The following CYFIP1 variants were observed in gnomAD, a reference collection of about 807,000 sequenced individuals.
CYFIP1 encodes cytoplasmic FMR1-interacting protein 1.
A neutral mutation model predicts 163.5 loss-of-function variants in CYFIP1; 58 were observed. The ratio of observed to expected loss-of-function variants is 0.35; its 90% confidence interval spans 0.29 to 0.44. CYFIP1 has a LOEUF of 0.44. Ranked by LOEUF, CYFIP1 falls within the 20% of genes least tolerant of loss-of-function variation. The pLI is 1.00. For missense variants in CYFIP1, 1,338 were observed against 1,653.8 expected (o/e 0.81, Z 3.31); for synonymous variants, 663 against 660.7 (o/e 1.00, Z -0.05).
Position 22,879,933 on chromosome 15 carries a change from G to A in CYFIP1, c.3022C>T (p.Leu1008=). 1 of 1,612,866 alleles carries A rather than the reference G, an allele frequency of 6.2e-7. No homozygotes were observed. ...REVGNAILFC[L]LIEQSLSLEE... ...CTCACCAGGCTCTGCTCGATGAGCA[G>A]GCAGAAGAGGATGGCGTTCCCCACC... Residue 1008 remains leucine, a synonymous_variant, in exon 26 of 31, where the codon CTG becomes TTG. Transcript: ENST00000617928.
chr15:22,921,885 G>C (rs573670532), intron 13 of CYFIP1, among the ~76,000 whole-genome samples: 13 of 152,228 alleles, frequency 8.5e-5, no homozygotes, highest in Non-Finnish European at 1.8e-4. Flanking sequence ...GATAGACAGA[G>C]GTCAATGGGA....
In CYFIP1 at chr15:22,875,251, G is replaced by A; in HGVS notation, c.3063C>T (p.Asp1021=). ...EQSLSLEEVC[D]LLHAAPFQNI... ...TCTGGAAAGGAGCCGCGTGCAGCAG[G>A]TCACACACTTCTTCTAAAGACTAGA... Residue 1021 remains aspartate, a synonymous_variant, in exon 27 of 31, where the codon GAC becomes GAT. Transcript: ENST00000617928. The A allele has an allele frequency of 1.2e-6, 2 of 1,614,120 alleles. No homozygotes were observed. Among genetic ancestry groups the A allele is most frequent in the Non-Finnish European group, 1.7e-6 (2 of 1,179,976 alleles).
intron 23 of CYFIP1, among the ~76,000 whole-genome samples, chr15:22,888,134 C>T (rs761543064): frequency 6.6e-6 from 1 of 152,170 alleles, no homozygotes; most frequent in Non-Finnish European, 1.5e-5. Context: ...AAATGGGTCC[C>T]TCATCTAAGT....
intron 17 of CYFIP1, among the ~76,000 whole-genome samples, chr15:22,913,641 G>A (rs1445776447): frequency 7.1e-6 from 1 of 140,958 alleles, no homozygotes; most frequent in East Asian, 2.2e-4. Flanking sequence ...CAAAGGTGAA[G>A]GTCCTGGATC....
rs1261577033 is a variant in CYFIP1 at position 22,869,856 on chromosome 15, T to C, written c.*172A>G. 6 of 520,420 alleles carry C rather than the reference T, an allele frequency of 1.2e-5. No homozygotes were observed. Among genetic ancestry groups the C allele is most frequent in the Non-Finnish European group, 1.8e-5 (6 of 324,684 alleles). The allele number at this position is 520,420 out of a possible 1,614,324, so 32.2% of individuals were successfully genotyped here. ...AGAGTTCCTAATTACCAAAAGCATA[T>C]ACAATTTTAGTCTAGAAAAATAAGT... On this transcript the variant is annotated 3_prime_UTR_variant, in exon 31 of 31. Coordinates refer to ENST00000617928, the MANE Select transcript of CYFIP1 (RefSeq NM_014608.6).
chr15:22,969,789 AC>A (rs1225035367), intron 1 of CYFIP1, among the ~76,000 whole-genome samples: 2 of 152,226 alleles, frequency 1.3e-5, no homozygotes, highest in Non-Finnish European at 2.9e-5. Context: ...AAATACAAGT[AC>A]GGTGAAACTA....
chr15:22,876,569 G>A (rs2059590553), intron 26 of CYFIP1, among the ~76,000 whole-genome samples: 1 of 152,086 alleles, frequency 6.6e-6, no homozygotes, highest in Non-Finnish European at 1.5e-5. Context: ...CAGGCCAGGT[G>A]CAGTGGCTCA....
At chr15:22,956,603 G>A (rs2062463783) in intron 1 of CYFIP1, among the ~76,000 whole-genome samples, 1 of 152,154 alleles carries the variant, frequency 6.6e-6, no homozygotes, top group African/African-American at 2.4e-5. Flanking sequence ...AGTCAAACAA[G>A]TCAGGGGCTC....
At chr15:22,913,257 G>A (rs1164058384) in intron 17 of CYFIP1, among the ~76,000 whole-genome samples, 4 of 151,216 alleles carry the variant, frequency 2.6e-5, no homozygotes, top group East Asian at 3.9e-4. Context: ...GACTGGGCGC[G>A]GTGACTCATG....
At chr15:22,973,904 GC>G (rs2063182961) in intron 1 of CYFIP1, among the ~76,000 whole-genome samples, 1 of 152,142 alleles carries the variant, frequency 6.6e-6, no homozygotes. Flanking sequence ...TGTACAAGTG[GC>G]CAACAGGTGT....
intron 11 of CYFIP1, among the ~76,000 whole-genome samples, chr15:22,928,984 C>A (rs574095737): frequency 1.3e-5 from 2 of 151,732 alleles, no homozygotes; most frequent in Non-Finnish European, 2.9e-5. Context: ...TTTGGGAGGC[C>A]GGGGCAGGTG....
Position 22,943,361 on chromosome 15 carries a change from A to G in CYFIP1, c.388-7T>C, listed in dbSNP as rs753356047. The stretch of plus-strand genomic sequence containing the variant: ...AACGCTCAATGGCATTTCTCTGTGC[A>G]GAGGAAGCAGGAGGGCAGAAAGCTG... On this transcript the variant is annotated splice_region_variant and splice_polypyrimidine_tract_variant and intron_variant, in intron 5 of 30. Transcript: ENST00000617928. The G allele has an allele frequency of 9.9e-6, 16 of 1,613,122 alleles. No homozygotes were observed. The African/African-American group carries it at 2.1e-4, about 22-fold the overall frequency.
intron 1 of CYFIP1, among the ~76,000 whole-genome samples, chr15:22,968,075 G>A (rs189628824): frequency 1.1e-4 from 16 of 152,218 alleles, no homozygotes; most frequent in Admixed American, 1.0e-3. Context: ...GGTGGAGGTT[G>A]CAGTGAGCCA....
chr15:22,925,813 C>T (rs758056597), intron 13 of CYFIP1, among the ~76,000 whole-genome samples, 169 bp downstream of exon 13: 1 of 152,178 alleles, frequency 6.6e-6, no homozygotes, highest in East Asian at 1.9e-4. Flanking sequence ...GACCGACAAC[C>T]ACTGTTTCTC....
intron 11 of CYFIP1, among the ~76,000 whole-genome samples, chr15:22,931,135 G>A (rs1343790436): frequency 6.6e-6 from 1 of 152,190 alleles, no homozygotes; most frequent in African/African-American, 2.4e-5. Flanking sequence ...GTCCTGCAGT[G>A]GGTGGGGCCA....
intron 22 of CYFIP1, among the ~76,000 whole-genome samples, chr15:22,894,125 C>A (rs140895020): frequency 6.6e-6 from 1 of 152,170 alleles, no homozygotes; most frequent in Non-Finnish European, 1.5e-5. Flanking sequence ...TGGTGACACA[C>A]CTGCAAAGCT....
chr15:22,980,773 C>T (rs2063460546), upstream of CYFIP1, among the ~76,000 whole-genome samples: 1 of 152,072 alleles, frequency 6.6e-6, no homozygotes, highest in African/African-American at 2.4e-5. Context: ...GTGGCGCCGC[C>T]CCACTTGGCA....
At chr15:22,929,572 C>G in intron 11 of CYFIP1, among the ~76,000 whole-genome samples, 1 of 126,822 alleles carries the variant, frequency 7.9e-6, no homozygotes, top group South Asian at 2.7e-4. Context: ...GTGGAAGTTG[C>G]AATGAGCCAA....
At chr15:22,890,978 A>C (rs568434239) in intron 23 of CYFIP1, among the ~76,000 whole-genome samples, 1 of 152,062 alleles carries the variant, frequency 6.6e-6, no homozygotes, top group Non-Finnish European at 1.5e-5. Context: ...TTTTCTCCCC[A>C]AGGCAGGCAA....
Sources: gnomAD v4.1 joint callset for allele counts (sites outside exome capture counted in the v4.1 genomes callset) on GRCh38, gnomAD v4.1.1 for gene constraint, MANE v1.5 for transcripts, NCBI Gene and HGNC (gene_info 2026-07-23, HGNC 2026-07-21) for gene names.